GBP6: variants seen among roughly 807,000 people sequenced by gnomAD.
GBP6 encodes the protein guanylate-binding protein 6.
Under a neutral mutation model 61.5 loss-of-function variants are expected in GBP6, and 54 were observed. That is an observed-to-expected ratio of 0.88 (90% confidence interval 0.71 to 1.10). The LOEUF is 1.10. Ranked by LOEUF, GBP6 falls within the 50% of genes least tolerant of loss-of-function variation. The pLI is 0.00. For missense variants in GBP6, 748 were observed against 752.8 expected (o/e 0.99, Z 0.07); for synonymous variants, 255 against 273.7 (o/e 0.93, Z 0.67).
chr1:89,368,783 G>T (rs748938285), intron 2 of GBP6, 42 bp downstream of exon 2: 15 of 1,558,954 alleles, frequency 9.6e-6, no homozygotes, highest in Non-Finnish European at 1.2e-5. Context: ...CTTGATTCCA[G>T]CTATATCTCA....
At chr1:89,373,476 T>C (rs1652704302) in intron 3 of GBP6, among the ~76,000 whole-genome samples, 2 of 152,296 alleles carry the variant, frequency 1.3e-5, no homozygotes, top group Non-Finnish European at 2.9e-5. Flanking sequence ...CATGGAATAC[T>C]ATGCAGCCAT....
intron 8 of GBP6, 94 bp downstream of exon 8, chr1:89,382,970 A>C (rs1428983480): frequency 1.4e-6 from 1 of 734,384 alleles, no homozygotes; most frequent in Admixed American, 2.5e-5. Context: ...GAGGGATAGC[A>C]TAACGCCTTA....
At chr1:89,369,697 G>T in intron 3 of GBP6, 24 bp downstream of exon 3, 2 of 1,604,236 alleles carry the variant, frequency 1.2e-6, no homozygotes, top group South Asian at 1.1e-5. Context: ...TCATAGACAG[G>T]TTCCTTTTAT....
At chr1:89,376,620 C>A (rs1294756369) in intron 3 of GBP6, among the ~76,000 whole-genome samples, 4 of 152,102 alleles carry the variant, frequency 2.6e-5, no homozygotes. Context: ...TGTGGCTTTG[C>A]AATATATATT....
Position 89,368,535 on chromosome 1 carries a change from C to T in GBP6, c.-17C>T, listed in dbSNP as rs370682343. On this transcript the variant is annotated 5_prime_UTR_variant, in exon 2 of 11. Coordinates refer to ENST00000370456, the MANE Select transcript of GBP6 (RefSeq NM_198460.3). ...ACGTTATTTCTACTGGGAGGCTCTT[C>T]TAGGTTGGCAGTTGCCATGGAATCT... is the stretch of plus-strand genomic sequence containing the variant. 6.2e-7 allele frequency: 1 copy of T among 1,610,104 alleles called. No individual in the cohort carries two copies. Among genetic ancestry groups the T allele is most frequent in the Non-Finnish European group, 8.5e-7 (1 of 1,177,588 alleles).
chr1:89,375,537 A>C (rs4412577), intron 3 of GBP6, among the ~76,000 whole-genome samples: 120,270 of 152,040 alleles, frequency 0.79, 47,721 homozygotes, highest in African/African-American at 0.86. Context: ...AAATCATTCT[A>C]TTATAAAGAC....
intron 4 of GBP6, 45 bp downstream of exon 4, chr1:89,378,257 T>C: frequency 1.3e-6 from 2 of 1,579,756 alleles, no homozygotes; most frequent in South Asian, 2.3e-5. Flanking sequence ...TTCATTGACT[T>C]TATAGGAATG....
At chr1:89,365,444 G>A (rs760957269) in intron 1 of GBP6, among the ~76,000 whole-genome samples, 5 of 152,192 alleles carry the variant, frequency 3.3e-5, no homozygotes, top group Non-Finnish European at 5.9e-5. Flanking sequence ...TCAGGACCTC[G>A]TGTTTGATCT....
chr1:89,366,356 C>A, intron 1 of GBP6, among the ~76,000 whole-genome samples: 1 of 152,162 alleles, frequency 6.6e-6, no homozygotes, highest in East Asian at 1.9e-4. Flanking sequence ...TCTTTAGATT[C>A]TGGACATTCT....
At chr1:89,369,218 C>T (rs1652550961) in intron 2 of GBP6, among the ~76,000 whole-genome samples, 1 of 151,920 alleles carries the variant, frequency 6.6e-6, no homozygotes, top group Non-Finnish European at 1.5e-5. Context: ...GAGTTTTTTC[C>T]TTCTCGTGTC....
intron 6 of GBP6, among the ~76,000 whole-genome samples, chr1:89,380,976 T>C (rs1253576016): frequency 1.3e-5 from 2 of 152,066 alleles, no homozygotes; most frequent in East Asian, 3.9e-4. Context: ...ATAGAAAAGA[T>C]ATGTTCAAGT....
In GBP6 at chr1:89,380,879, A is replaced by C. The variant is rs111796545; in HGVS notation, c.871+248A>C. Among the ~76,000 whole-genome samples, 331 of 152,344 alleles carry C rather than the reference A, an allele frequency of 2.2e-3. 2 individuals are homozygous for C. Among genetic ancestry groups the C allele is most frequent in the African/African-American group, 7.8e-3 (323 of 41,572 alleles). On this transcript the variant is annotated intron_variant, in intron 6 of 10. Transcript: ENST00000370456. Reference sequence around the variant, plus strand: ...GAAAAAAATCCCCCACTGATAAAATAACTAACTGAATATAAAAACATCTAT... The same window carrying C: ...GAAAAAAATCCCCCACTGATAAAATCACTAACTGAATATAAAAACATCTAT...
chr1:89,382,826 A>T lies in GBP6; in HGVS notation c.1315A>T (p.Lys439Ter). The T allele has an allele frequency of 1.2e-6, 2 of 1,614,144 alleles. No individual in the cohort carries two copies. The highest frequency in any genetic ancestry group is 1.7e-6 in the Non-Finnish European group (2 of 1,179,982). Reference protein sequence around the residue: ...PGGHKLYMETKERIEQDYWQV... With the variant: ...PGGHKLYMET Reference sequence around the variant, plus strand: ...AGGGCACAAGCTCTACATGGAAACAAAGGAAAGGATTGAACAGGACTATTG... The same window carrying T: ...AGGGCACAAGCTCTACATGGAAACATAGGAAAGGATTGAACAGGACTATTG... The change falls in exon 8 of 11, where the codon AAG becomes TAG. Residue 439 changes from lysine to a stop codon, truncating the protein, a stop_gained. Transcript: ENST00000370456. LOFTEE classifies it high-confidence loss of function.
In GBP6 at chr1:89,378,425, C is replaced by A. The variant is rs373092127; in HGVS notation, c.437C>A (p.Thr146Lys). ...HQALEQLHYVTELTELIKAKS... is the reference protein window; with the variant it reads ...HQALEQLHYVKELTELIKAKS... ...CCTTACCTAAGTCCTAGTTATGTGA[C>A]GGAGCTCACAGAACTAATTAAGGCA... is the stretch of plus-strand genomic sequence containing the variant. Residue 146 changes from threonine to lysine, a missense_variant, in exon 5 of 11, where the codon ACG (threonine) becomes AAG (lysine). Thr to Lys is a moderately conservative substitution (Grantham distance 78). Transcript: ENST00000370456. 3.7e-6 allele frequency: 6 copies of A among 1,612,962 alleles called. No individual in the cohort carries two copies. The highest frequency in any genetic ancestry group is 4.2e-6 in the Non-Finnish European group (5 of 1,179,508).
chr1:89,372,084 A>C (rs1652660675), intron 3 of GBP6, among the ~76,000 whole-genome samples: 1 of 152,220 alleles, frequency 6.6e-6, no homozygotes, highest in Non-Finnish European at 1.5e-5. Flanking sequence ...AGAGAATAAA[A>C]TACCTAGGAA....
At position 89,387,601 on chromosome 1, in the gene GBP6, T is replaced by C. The variant is rs1283923159; in HGVS notation, c.*2132T>C. On this transcript the variant is annotated 3_prime_UTR_variant, in exon 11 of 11. Coordinates refer to ENST00000370456, the MANE Select transcript of GBP6 (RefSeq NM_198460.3). ...CAGAGATCAGTGGTAATAAGTTGTTTGAATTTTCGACACCAGATTAAGGTC... is the reference window on the plus strand; with the variant it reads ...CAGAGATCAGTGGTAATAAGTTGTTCGAATTTTCGACACCAGATTAAGGTC... Among the ~76,000 whole-genome samples, 1 of 152,226 alleles carries C rather than the reference T, an allele frequency of 6.6e-6. No homozygotes were observed. Among genetic ancestry groups the C allele is most frequent in the Admixed American group, 6.5e-5 (1 of 15,280 alleles).
At chr1:89,376,757 G>A (rs1652819850) in intron 3 of GBP6, among the ~76,000 whole-genome samples, 1 of 151,914 alleles carries the variant, frequency 6.6e-6, no homozygotes, top group South Asian at 2.1e-4. Context: ...ATATTATTGG[G>A]GCCAGGTTGA....
At chr1:89,367,623 G>A (rs972211257) in intron 1 of GBP6, among the ~76,000 whole-genome samples, 3 of 152,106 alleles carry the variant, frequency 2.0e-5, no homozygotes, top group Non-Finnish European at 4.4e-5. Flanking sequence ...TGTTGATAGT[G>A]TTCTTTGATG....
chr1:89,368,793 A>C, intron 2 of GBP6, 52 bp downstream of exon 2: 31 of 1,522,594 alleles, frequency 2.0e-5, no homozygotes, highest in Non-Finnish European at 2.6e-5. Flanking sequence ...GCTATATCTC[A>C]GCTTCTTGAT....
Sources: gnomAD v4.1 joint callset for allele counts (sites outside exome capture counted in the v4.1 genomes callset) on GRCh38, gnomAD v4.1.1 for gene constraint, MANE v1.5 for transcripts, NCBI Gene and HGNC (gene_info 2026-07-23, HGNC 2026-07-21) for gene names.